Variants in PDE4B observed in about 807,000 individuals in gnomAD.
The protein encoded by PDE4B is 3',5'-cyclic-AMP phosphodiesterase 4B.
PDE4B carries 20 observed loss-of-function variants against 82.2 expected under a neutral mutation model. The ratio of observed to expected loss-of-function variants is 0.24; its 90% CI spans 0.17 to 0.35. The LOEUF (loss-of-function observed/expected upper bound fraction) is 0.35. PDE4B is among the 10% of genes least tolerant of loss of function. The pLI, the probability that PDE4B is intolerant of heterozygous loss-of-function variation, is 1.00. For missense variants in PDE4B, 655 were observed against 907.2 expected (o/e 0.72, Z 3.57); for synonymous variants, 320 against 318.9 (o/e 1.00, Z -0.04).
intron 1 of PDE4B, among the ~76,000 whole-genome samples, chr1:65,832,796 TCA>T (rs539168594): frequency 1.4e-3 from 213 of 152,338 alleles, no homozygotes; most frequent in Admixed American, 9.4e-3. Flanking sequence ...GTCGTGAGCA[TCA>T]GAGTTTCATG....
intron 3 of PDE4B, among the ~76,000 whole-genome samples, chr1:65,936,034 C>CT (rs1033400810): frequency 2.0e-5 from 3 of 151,500 alleles, no homozygotes; most frequent in Non-Finnish European, 2.9e-5. Context: ...AAGCTTTTTT[C>CT]TTTTTTTTTC....
At chr1:65,976,706 A>G (rs1242856090) in intron 3 of PDE4B, among the ~76,000 whole-genome samples, 1 of 152,126 alleles carries the variant, frequency 6.6e-6, no homozygotes, top group Non-Finnish European at 1.5e-5. Context: ...TGATGATTTA[A>G]AAGTGTGTGG....
At chr1:66,330,768 A>T in intron 7 of PDE4B, 1 of 985,404 alleles carries the variant, frequency 1.0e-6, no homozygotes, top group Non-Finnish European at 1.2e-6. Context: ...TTTCGGACAC[A>T]CTAGAGAGTA....
intron 3 of PDE4B, among the ~76,000 whole-genome samples, chr1:66,117,945 T>C (rs974100328): frequency 5.3e-5 from 8 of 152,210 alleles, no homozygotes; most frequent in Admixed American, 3.3e-4. Flanking sequence ...AAAGTGTTCC[T>C]ATTTCTCCAC....
intron 6 of PDE4B, among the ~76,000 whole-genome samples, chr1:66,262,535 T>C: frequency 6.6e-6 from 1 of 152,226 alleles, no homozygotes; most frequent in East Asian, 1.9e-4. Context: ...ATCACCATCT[T>C]CAGCAATCAG....
chr1:66,152,472 T>C lies in PDE4B; in HGVS notation c.282-94988T>C, dbSNP rs191621346. 8.1e-5 allele frequency: 25 copies of C among 308,262 alleles called. No homozygotes were observed. The East Asian group carries it at 1.9e-3, about 23-fold the overall frequency. The allele number at this position is 308,262 out of a possible 1,614,324, so 19.1% of individuals were successfully genotyped here. ...CACCACCTATGCAAGGTCTGTACTT[T>C]TTAACACAGCATTGGAAGCCAGTAT... On this transcript the variant is annotated intron_variant, in intron 3 of 16. Coordinates refer to ENST00000341517, the MANE Select transcript of PDE4B (RefSeq NM_002600.4).
At chr1:66,142,451 T>C (rs997611121) in intron 3 of PDE4B, among the ~76,000 whole-genome samples, 5 of 152,320 alleles carry the variant, frequency 3.3e-5, no homozygotes, top group Admixed American at 6.5e-5. Flanking sequence ...AAGAAAATCA[T>C]AGGAGGAAGT....
chr1:65,947,749 A>G (rs1648784540), intron 3 of PDE4B, among the ~76,000 whole-genome samples: 2 of 151,878 alleles, frequency 1.3e-5, no homozygotes, highest in African/African-American at 4.8e-5. Context: ...GGGGGCTACC[A>G]GAAGATGGAA....
intron 1 of PDE4B, among the ~76,000 whole-genome samples, chr1:65,813,558 T>C (rs1030135762): frequency 6.6e-6 from 1 of 152,086 alleles, no homozygotes; most frequent in African/African-American, 2.4e-5. Context: ...TACATTTTCA[T>C]TGTGGGCCCT....
chr1:66,159,119 G>A (rs1457053303), intron 3 of PDE4B, among the ~76,000 whole-genome samples: 2 of 152,040 alleles, frequency 1.3e-5, no homozygotes, highest in Non-Finnish European at 2.9e-5. Context: ...AATGATAAAT[G>A]TTTTAAGTGG....
chr1:65,855,229 A>G (rs1325742416), intron 1 of PDE4B, among the ~76,000 whole-genome samples: 1 of 151,698 alleles, frequency 6.6e-6, no homozygotes, highest in Admixed American at 6.6e-5. Context: ...CCTGGGTAAC[A>G]TATTTTCCAG....
At chr1:66,018,127 G>T (rs970905219) in intron 3 of PDE4B, among the ~76,000 whole-genome samples, 2 of 152,044 alleles carry the variant, frequency 1.3e-5, no homozygotes, top group African/African-American at 2.4e-5. Context: ...TAAAGAGTAT[G>T]TGGTTTTAGG....
chr1:66,037,183 G>A (rs1425626150), intron 3 of PDE4B, among the ~76,000 whole-genome samples: 1 of 151,632 alleles, frequency 6.6e-6, no homozygotes, highest in Non-Finnish European at 1.5e-5. Context: ...GAATGACATT[G>A]GGATTTTGAT....
At chr1:66,244,377 A>G (rs1420302630) in intron 3 of PDE4B, among the ~76,000 whole-genome samples, 2 of 152,206 alleles carry the variant, frequency 1.3e-5, no homozygotes, top group Non-Finnish European at 2.9e-5. Context: ...AAGGTGAAAT[A>G]TGTGTCCTGA....
At chr1:66,069,598 C>T (rs1222221064) in intron 3 of PDE4B, among the ~76,000 whole-genome samples, 1 of 151,926 alleles carries the variant, frequency 6.6e-6, no homozygotes, top group East Asian at 1.9e-4. Context: ...TGAGCACATA[C>T]TATATTTGGA....
At chr1:66,229,692 CT>C (rs751313902) in intron 3 of PDE4B, among the ~76,000 whole-genome samples, 7 of 152,044 alleles carry the variant, frequency 4.6e-5, no homozygotes, top group Non-Finnish European at 8.8e-5. Context: ...GGCCTTCTGT[CT>C]AAATAAACCA....
At chr1:66,241,291 AT>A (rs1489933571) in intron 3 of PDE4B, among the ~76,000 whole-genome samples, 2 of 152,200 alleles carry the variant, frequency 1.3e-5, no homozygotes, top group Non-Finnish European at 2.9e-5. Context: ...TTCATTAGAA[AT>A]TAGGACTGGC....
At chr1:66,186,706 T>C (rs552781926) in intron 3 of PDE4B, among the ~76,000 whole-genome samples, 13 of 152,364 alleles carry the variant, frequency 8.5e-5, no homozygotes, top group Admixed American at 7.2e-4. Context: ...TTTGCTGAAG[T>C]TGCCTATCAG....
Position 66,202,944 on chromosome 1 carries a change from G to T in PDE4B, c.282-44516G>T, listed in dbSNP as rs1362470458. The stretch of plus-strand genomic sequence containing the variant: ...GTTGATGCAGTTTCTTCCTAGCCTT[G>T]ATGGTCTTTATAATTTGGCATGTTT... On this transcript the variant is annotated intron_variant, in intron 3 of 16. Coordinates refer to ENST00000341517, the MANE Select transcript of PDE4B (RefSeq NM_002600.4). Among the ~76,000 whole-genome samples, 5 of 151,906 alleles carry T rather than the reference G, an allele frequency of 3.3e-5. No homozygotes were observed. The East Asian group carries it at 9.7e-4, about 29-fold the overall frequency.
Sources: gnomAD v4.1 joint callset for allele counts (sites outside exome capture counted in the v4.1 genomes callset) on GRCh38, gnomAD v4.1.1 for gene constraint, MANE v1.5 for transcripts, NCBI Gene and HGNC (gene_info 2026-07-23, HGNC 2026-07-21) for gene names.